DOCK8: variants seen among roughly 807,000 people sequenced by gnomAD.
The protein encoded by DOCK8 is dedicator of cytokinesis protein 8.
Under a neutral mutation model 245.6 loss-of-function variants are expected in DOCK8, and 141 were observed. The ratio of observed to expected loss-of-function variants is 0.57; its 90% CI spans 0.50 to 0.66. DOCK8 has a LOEUF of 0.66. Ranked by LOEUF, DOCK8 falls within the 30% of genes least tolerant of loss-of-function variation. The pLI is 0.00. For synonymous variants in DOCK8, 1,168 were observed against 970.2 expected, an observed-to-expected ratio of 1.20 and a Z score of -3.79; for missense variants, 2,965 against 2,603.4, an observed-to-expected ratio of 1.14 and a Z score of -3.02.
At chr9:346,008 A>T (rs2051866449) in intron 14 of DOCK8, among the ~76,000 whole-genome samples, 1 of 151,998 alleles carries the variant, frequency 6.6e-6, no homozygotes, top group South Asian at 2.1e-4. Context: ...GGGGCTCCCA[A>T]ACCAGCGGCT....
intron 25 of DOCK8, 112 bp downstream of exon 25, chr9:397,046 A>C: frequency 1.2e-5 from 15 of 1,241,604 alleles, no homozygotes; most frequent in African/African-American, 4.5e-5. Context: ...ATATAACTGT[A>C]ATGACAGTTA....
chr9:391,854 C>G, intron 24 of DOCK8, among the ~76,000 whole-genome samples: 1 of 120,844 alleles, frequency 8.3e-6, no homozygotes, highest in Non-Finnish European at 1.7e-5. Flanking sequence ...TAAAGAGAGT[C>G]TAGGCTGGGT....
At chr9:443,338 C>T in intron 42 of DOCK8, 89 bp from the exon 43 acceptor site, 1 of 1,283,100 alleles carries the variant, frequency 7.8e-7, no homozygotes, top group Non-Finnish European at 1.1e-6. Flanking sequence ...CTACCTTGCA[C>T]TTGCTCCAAA....
chr9:436,277 A>G (rs2056900036), intron 39 of DOCK8, among the ~76,000 whole-genome samples: 1 of 152,244 alleles, frequency 6.6e-6, no homozygotes, highest in Admixed American at 6.5e-5. Context: ...TTTGTTATAA[A>G]AGCTGATAAT....
intron 33 of DOCK8, among the ~76,000 whole-genome samples, chr9:425,305 A>G (rs145392039): frequency 0.03 from 4,586 of 152,134 alleles, 125 homozygotes; most frequent in Admixed American, 0.079. Context: ...GGCCGAGGTA[A>G]GTGGATCACG....
chr9:256,129 T>G (rs1438251083), intron 1 of DOCK8, among the ~76,000 whole-genome samples: 2 of 152,210 alleles, frequency 1.3e-5, no homozygotes, highest in Non-Finnish European at 2.9e-5. Context: ...GAAATTTTAT[T>G]AAGGATACAG....
Position 382,583 on chromosome 9 carries a change from T to G in DOCK8, c.2676T>G (p.Ser892Arg). Reference sequence around the variant, plus strand: ...GCCGCACATCAGCTGCTGCTGTGAGTTCAAAGCTGCTGCAGGCCCGGGTGA... The same window carrying G: ...GCCGCACATCAGCTGCTGCTGTGAGGTCAAAGCTGCTGCAGGCCCGGGTGA... Reference protein sequence around the residue: ...TYGRTSAAAVSSKLLQARVMS... With the variant: ...TYGRTSAAAVRSKLLQARVMS... Residue 892 changes from serine to arginine, a missense_variant, in exon 22 of 48, where the codon AGT becomes AGG. Transcript: ENST00000432829. 1 of 1,613,986 alleles carries G rather than the reference T, an allele frequency of 6.2e-7. No individual in the cohort carries two copies. Among genetic ancestry groups the G allele is most frequent in the Admixed American group, 1.7e-5 (1 of 59,986 alleles).
chr9:407,696 C>A (rs1462145799), intron 28 of DOCK8, among the ~76,000 whole-genome samples: 1 of 152,192 alleles, frequency 6.6e-6, no homozygotes, highest in Non-Finnish European at 1.5e-5. Context: ...GAGTCAGAAA[C>A]CCACAGCCTA....
At chr9:401,208 G>A (rs910876845) in intron 26 of DOCK8, among the ~76,000 whole-genome samples, 12 of 151,010 alleles carry the variant, frequency 7.9e-5, no homozygotes, top group East Asian at 3.9e-4. Flanking sequence ...AATAAGAAGG[G>A]GGGGTTGAGA....
intron 2 of DOCK8, among the ~76,000 whole-genome samples, chr9:285,228 C>G (rs928628052): frequency 2.0e-5 from 3 of 152,138 alleles, no homozygotes; most frequent in African/African-American, 7.2e-5. Context: ...ACGAGGCCTG[C>G]CACATCTCCA....
Position 446,492 on chromosome 9 carries a change from G to T in DOCK8, c.5703G>T (p.Leu1901=). Residue 1901 remains leucine, a synonymous_variant, in exon 44 of 48, where the codon CTG becomes CTT. Transcript: ENST00000432829. ...RRFMYTTPFT[L]EGRPRGELHE... ...TCATGTACACCACCCCGTTCACCCT[G>T]GAGGGGCGGCCTCGGGGAGAGCTGC... The T allele has an allele frequency of 1.9e-6, 3 of 1,614,212 alleles. No homozygotes were observed. Among genetic ancestry groups the T allele is most frequent in the Non-Finnish European group, 2.5e-6 (3 of 1,180,042 alleles).
At chr9:380,019 C>T in intron 21 of DOCK8, 84 bp downstream of exon 21, 4 of 1,494,636 alleles carry the variant, frequency 2.7e-6, no homozygotes, top group Non-Finnish European at 3.6e-6. Context: ...AATAAAACAT[C>T]CTATGCTGGG....
chr9:457,671 A>AG (rs2057682658), intron 46 of DOCK8, among the ~76,000 whole-genome samples: 1 of 152,212 alleles, frequency 6.6e-6, no homozygotes, highest in Non-Finnish European at 1.5e-5. Flanking sequence ...ACCTCTTTGC[A>AG]TGTTAGTTTC....
At position 303,061 on chromosome 9, in the gene DOCK8, G is replaced by T. The variant is rs1817603687; in HGVS notation, c.405-1520G>T. On this transcript the variant is annotated intron_variant, in intron 4 of 47. Transcript: ENST00000432829. ...CTATACTCTCACCTACTGGGAGGCT[G>T]AGGTGGGAAGATTGCTTGAGCCTAG... Among the ~76,000 whole-genome samples, 3 of 151,640 alleles carry T rather than the reference G, an allele frequency of 2.0e-5. No individual in the cohort carries two copies. In the South Asian group the frequency reaches 6.2e-4, roughly 32 times the overall value.
chr9:450,272 G>C (rs1265671613), intron 45 of DOCK8, among the ~76,000 whole-genome samples: 2 of 152,200 alleles, frequency 1.3e-5, no homozygotes, highest in Non-Finnish European at 2.9e-5. Context: ...AATTCACGCA[G>C]AGTAATTGCA....
At position 271,630 on chromosome 9, in the gene DOCK8, T is replaced by C. The variant is rs2048167841; in HGVS notation, c.57T>C (p.Tyr19=). The C allele has an allele frequency of 6.5e-7, 1 of 1,543,652 alleles. No homozygotes were observed. Among genetic ancestry groups the C allele is most frequent in the African/African-American group, 1.4e-5 (1 of 72,898 alleles). ...GATTTTTCTATTTTAATCCAAGGTA[T>C]TCTTCAGCGGAAATAAGGAAACAGT... The part of the protein sequence containing the change: ...RRAFALKINR[Y]SSAEIRKQFT... The change falls in exon 2 of 48, where the codon TAT becomes TAC. Residue 19 remains tyrosine, a synonymous_variant. Transcript: ENST00000432829.
intron 10 of DOCK8, 76 bp downstream of exon 10, chr9:332,554 T>G (rs1178786467): frequency 4.0e-6 from 4 of 1,004,676 alleles, no homozygotes; most frequent in Non-Finnish European, 6.3e-6. Context: ...ACACAAATAG[T>G]TAATGGGCTT....
intron 36 of DOCK8, 132 bp downstream of exon 36, chr9:429,986 G>A: frequency 5.4e-6 from 6 of 1,101,714 alleles, no homozygotes; most frequent in Non-Finnish European, 8.0e-6. Flanking sequence ...AGAAACAATT[G>A]AGTATGTAGA....
intron 1 of DOCK8, among the ~76,000 whole-genome samples, chr9:269,534 G>C (rs554921): frequency 0.29 from 42,510 of 148,320 alleles, 6,086 homozygotes; most frequent in East Asian, 0.37. Flanking sequence ...GTAAGTTTTT[G>C]TGGGGAAGTG....
Sources: allele counts gnomAD v4.1 joint callset (sites outside exome capture counted in the v4.1 genomes callset), GRCh38; gene constraint gnomAD v4.1.1; transcripts MANE v1.5; gene names NCBI Gene and HGNC (gene_info 2026-07-23, HGNC 2026-07-21).